ZNF385D: variants seen among roughly 807,000 people sequenced by gnomAD.
ZNF385D encodes the protein zinc finger protein 659.
ZNF385D carries 15 observed loss-of-function variants against 35.8 expected under a neutral mutation model. The observed-to-expected ratio is 0.42, with a 90% CI of 0.28 to 0.64. ZNF385D has a LOEUF of 0.64. Among genes scored for constraint, ZNF385D ranks in the 30% least tolerant of loss-of-function variants. The probability of loss-of-function intolerance (pLI) is 0.23; values close to 1 mark genes in which losing one functional copy is unlikely to be tolerated. For missense variants in ZNF385D, 474 were observed against 494.6 expected, an observed-to-expected ratio of 0.96 and a Z score of 0.39; for synonymous variants, 212 against 186.8, an observed-to-expected ratio of 1.13 and a Z score of -1.10.
intron 3 of ZNF385D, among the ~76,000 whole-genome samples, chr3:22,088,218 C>T (rs188889074): frequency 9.9e-5 from 15 of 152,264 alleles, no homozygotes; most frequent in Non-Finnish European, 1.9e-4. Context: ...AACATGGGCA[C>T]GATGAGCAAA....
chr3:21,572,594 C>T (rs2063367313), intron 2 of ZNF385D, among the ~76,000 whole-genome samples: 1 of 152,110 alleles, frequency 6.6e-6, no homozygotes, highest in Non-Finnish European at 1.5e-5. Context: ...AACAGAGTTT[C>T]CCCGGGCCCT....
intron 1 of ZNF385D, among the ~76,000 whole-genome samples, chr3:21,720,073 C>A (rs2068477611): frequency 6.6e-6 from 1 of 152,144 alleles, no homozygotes; most frequent in African/African-American, 2.4e-5. Context: ...TGAAAAAATA[C>A]TAATGCCCAG....
At chr3:21,583,990 T>TTTATTTATTTA (rs1559431687) in intron 2 of ZNF385D, among the ~76,000 whole-genome samples, 39 of 45,494 alleles carry the variant, frequency 8.6e-4, no homozygotes, top group Admixed American at 1.0e-3. Flanking sequence ...TTATTTATTT[T>TTTATTTATTTA]TTGAGACAGA....
intron 3 of ZNF385D, among the ~76,000 whole-genome samples, chr3:21,835,352 T>G (rs865861034): frequency 1.3e-5 from 2 of 151,958 alleles, no homozygotes; most frequent in African/African-American, 4.8e-5. Flanking sequence ...GATCCTTCCA[T>G]TGTAAAATTT....
intron 4 of ZNF385D, among the ~76,000 whole-genome samples, chr3:21,498,605 C>T (rs1706106311): frequency 6.6e-6 from 1 of 151,930 alleles, no homozygotes; most frequent in African/African-American, 2.4e-5. Flanking sequence ...GGAAAAAATG[C>T]TCAACATCAC....
chr3:22,016,558 G>C (rs1696900120), intron 3 of ZNF385D, among the ~76,000 whole-genome samples: 1 of 152,000 alleles, frequency 6.6e-6, no homozygotes, highest in Non-Finnish European at 1.5e-5. Flanking sequence ...ATTCAAAGGG[G>C]AGAGTATTTC....
chr3:21,550,947 G>C (rs1211209814), intron 3 of ZNF385D, among the ~76,000 whole-genome samples: 1 of 152,188 alleles, frequency 6.6e-6, no homozygotes, highest in African/African-American at 2.4e-5. Flanking sequence ...ATGCTTGACA[G>C]TCCTGAATCA....
At position 22,094,393 on chromosome 3, in the gene ZNF385D, T is replaced by G. The variant is rs988485677; in HGVS notation, c.325+74424A>C. Among the ~76,000 whole-genome samples, 131 of 145,758 alleles carry G rather than the reference T, an allele frequency of 9.0e-4. 9 individuals carry two copies. The highest frequency in any genetic ancestry group is 2.8e-3 in the African/African-American group (112 of 39,556). On this transcript the variant is annotated intron_variant, in intron 3 of 5. Coordinates refer to the ZNF385D transcript ENST00000494108. Reference sequence around the variant, plus strand: ...TTCTGTCATTTATTGTTGATATATATATATATATATATATATAAAGGCATT... The same window carrying G: ...TTCTGTCATTTATTGTTGATATATAGATATATATATATATATAAAGGCATT...
chr3:21,936,365 T>G lies in ZNF385D; in HGVS notation c.325+232452A>C, dbSNP rs17010304. ...AATTCTCAAGATTTTTAAAGTAGTG[T>G]GAGCATATTAGCTGAGATGTGTAAC... On this transcript the variant is annotated intron_variant, in intron 3 of 5. Transcript: ENST00000494108. Among the ~76,000 whole-genome samples, 5 of 151,692 alleles carry G rather than the reference T, an allele frequency of 3.3e-5. No homozygotes were observed. In the East Asian group the frequency reaches 5.8e-4, roughly 18 times the overall value.
At chr3:22,093,026 G>T (rs755615109) in intron 3 of ZNF385D, among the ~76,000 whole-genome samples, 2 of 152,106 alleles carry the variant, frequency 1.3e-5, no homozygotes, top group African/African-American at 4.8e-5. Context: ...GGAGCAGGAA[G>T]GTCATAGCTC....
intron 3 of ZNF385D, among the ~76,000 whole-genome samples, chr3:21,924,048 A>T (rs1206936387): frequency 6.6e-6 from 1 of 152,174 alleles, no homozygotes; most frequent in Non-Finnish European, 1.5e-5. Flanking sequence ...TTATCCTCTT[A>T]TTTGTGGTAA....
rs373382106 is a variant in ZNF385D, at chr3:21,853,683, G to A, written c.326-188655C>T. On this transcript the variant is annotated intron_variant, in intron 3 of 5. Coordinates refer to the ZNF385D transcript ENST00000494108. ...GAATTTTGAGCCTCGATTTTATTACGTGTTAATGTGACTCTTGACATGTCA... is the reference window on the plus strand; with the variant it reads ...GAATTTTGAGCCTCGATTTTATTACATGTTAATGTGACTCTTGACATGTCA... Among the ~76,000 whole-genome samples the A allele has an allele frequency of 1.6e-4, 25 of 151,730 alleles. No individual in the cohort carries two copies. In the East Asian group the frequency reaches 3.3e-3, roughly 20 times the overall value.
At chr3:21,979,293 G>A (rs906774461) in intron 3 of ZNF385D, among the ~76,000 whole-genome samples, 4 of 152,086 alleles carry the variant, frequency 2.6e-5, no homozygotes, top group Non-Finnish European at 4.4e-5. Context: ...ATTATATTAT[G>A]TATATTTAAC....
At chr3:22,133,386 G>A (rs892651221) in intron 3 of ZNF385D, among the ~76,000 whole-genome samples, 2 of 152,008 alleles carry the variant, frequency 1.3e-5, no homozygotes, top group African/African-American at 2.4e-5. Context: ...GCCTGTGTGT[G>A]AAAGACAGGG....
At chr3:21,694,811 G>C (rs7628221) in intron 1 of ZNF385D, among the ~76,000 whole-genome samples, 62,383 of 151,678 alleles carry the variant, frequency 0.41, 13,876 homozygotes, top group Middle Eastern at 0.54. Context: ...GTGTAGTGTC[G>C]GGCCAGTTAT....
chr3:21,684,392 CT>C (rs1377623657), intron 1 of ZNF385D, among the ~76,000 whole-genome samples: 79 of 89,518 alleles, frequency 8.8e-4, no homozygotes, highest in African/African-American at 3.4e-3. Flanking sequence ...CTCTCTCTCT[CT>C]CTCTCTCTCT....
At chr3:21,741,159 A>G (rs1188868705) in intron 1 of ZNF385D, among the ~76,000 whole-genome samples, 3 of 152,180 alleles carry the variant, frequency 2.0e-5, no homozygotes, top group Non-Finnish European at 4.4e-5. Flanking sequence ...GAAGCTGAGA[A>G]TTCTCAAAGG....
intron 3 of ZNF385D, among the ~76,000 whole-genome samples, chr3:21,992,347 T>C (rs1356006495): frequency 1.3e-5 from 2 of 152,102 alleles, no homozygotes; most frequent in South Asian, 2.1e-4. Flanking sequence ...CTATTATCTA[T>C]GTTAAACAAG....
chr3:21,927,778 C>T (rs1047621941), intron 3 of ZNF385D, among the ~76,000 whole-genome samples: 17 of 152,210 alleles, frequency 1.1e-4, no homozygotes, highest in Admixed American at 6.5e-4. Flanking sequence ...TATTAGGGAG[C>T]TACACATTTA....
Sources: gnomAD v4.1 joint callset for allele counts (sites outside exome capture counted in the v4.1 genomes callset) on GRCh38, gnomAD v4.1.1 for gene constraint, MANE v1.5 for transcripts, NCBI Gene and HGNC (gene_info 2026-07-23, HGNC 2026-07-21) for gene names.